The following PRR5L variants were observed in gnomAD, a reference collection of about 807,000 sequenced individuals.
The protein encoded by PRR5L is proline rich 5 like.
A neutral mutation model predicts 36.4 loss-of-function variants in PRR5L; 21 were observed. The observed-to-expected ratio is 0.58, with a 90% confidence interval of 0.41 to 0.83. PRR5L has a LOEUF of 0.83. PRR5L is among the 40% of genes least tolerant of loss of function. The pLI, the probability that PRR5L is intolerant of heterozygous loss-of-function variation, is 0.00. For missense variants in PRR5L, 381 were observed against 473.3 expected, an observed-to-expected ratio of 0.80 and a Z score of 1.81; for synonymous variants, 188 against 197.0, an observed-to-expected ratio of 0.95 and a Z score of 0.38.
At chr11:36,348,083 T>A (rs1212599157) in intron 1 of PRR5L, among the ~76,000 whole-genome samples, 1 of 152,134 alleles carries the variant, frequency 6.6e-6, no homozygotes, top group Non-Finnish European at 1.5e-5. Context: ...ATGTTAACAG[T>A]TTGTTGTTGG....
At chr11:36,449,999 T>A (rs964931191) in intron 7 of PRR5L, among the ~76,000 whole-genome samples, 4 of 152,154 alleles carry the variant, frequency 2.6e-5, no homozygotes, top group Non-Finnish European at 5.9e-5. Context: ...TGTTTCTACC[T>A]CCAAATCTGC....
Position 36,388,694 on chromosome 11 carries a change from C to CTTTTTTTTTTTTTTTTT in PRR5L, c.-125-12300_-125-12299insTTTTTTTTTTTTTTTTT, listed in dbSNP as rs1252535250. 1.8e-5 allele frequency among the ~76,000 whole-genome samples: 2 copies of CTTTTTTTTTTTTTTTTT among 112,790 alleles called. 1 individual carries two copies. The highest frequency in any genetic ancestry group is 3.4e-5 in the Non-Finnish European group (2 of 58,124). 74.0% of individuals were successfully genotyped at this position (112,790 alleles called of 152,430 possible). A position where few individuals can be genotyped will look rare whatever the true frequency, so the allele number is the denominator to read the frequency against. On this transcript the variant is annotated intron_variant, in intron 1 of 8. Coordinates refer to ENST00000530639, the MANE Select transcript of PRR5L (RefSeq NM_001160167.2). ...TTCTTTCATTCAAGGTCGGCTCTTTCTTTCTTTTTTTTTTTTTTTTTTGAG... is the reference window on the plus strand; with the variant it reads ...TTCTTTCATTCAAGGTCGGCTCTTTCTTTTTTTTTTTTTTTTTTTTCTTTTTTTTTTTTTTTTTTGAG...
intron 3 of PRR5L, among the ~76,000 whole-genome samples, chr11:36,404,094 G>T (rs547686379): frequency 6.6e-6 from 1 of 152,158 alleles, no homozygotes; most frequent in Non-Finnish European, 1.5e-5. Context: ...CGCATGCAAA[G>T]TTCCTCTGGT....
chr11:36,401,277 C>T lies in PRR5L; in HGVS notation c.156C>T (p.Ala52=). 1 of 1,611,204 alleles carries T rather than the reference C, an allele frequency of 6.2e-7. No individual in the cohort carries two copies. The highest frequency in any genetic ancestry group is 8.5e-7 in the Non-Finnish European group (1 of 1,179,930). Residue 52 remains alanine (A), a synonymous_variant, in exon 2 of 9, where the codon GCC becomes GCT. Coordinates refer to ENST00000530639, the MANE Select transcript of PRR5L (RefSeq NM_001160167.2). The part of the protein sequence containing the change: ...RQALQLSSSS[A]WNSVQTAVIN... ...CTCTGCAGCTGAGCTCCAGCTCAGC[C>T]TGGAACAGGTGAAGGAGGCTGCAGG...
At chr11:36,368,126 C>A (rs1304368019) in intron 1 of PRR5L, among the ~76,000 whole-genome samples, 1 of 151,898 alleles carries the variant, frequency 6.6e-6, no homozygotes, top group African/African-American at 2.4e-5. Flanking sequence ...GGTCAAGGAT[C>A]TGAGCTTCTG....
intron 1 of PRR5L, among the ~76,000 whole-genome samples, chr11:36,305,772 C>T (rs552539271): frequency 7.2e-5 from 11 of 152,254 alleles, no homozygotes; most frequent in East Asian, 1.9e-4. Context: ...CTGAATCTGC[C>T]GGTGCTTTGA....
At chr11:36,351,279 T>A in intron 1 of PRR5L, among the ~76,000 whole-genome samples, 1 of 24,262 alleles carries the variant, frequency 4.1e-5, no homozygotes, top group Non-Finnish European at 6.5e-5. Flanking sequence ...TATTTATATA[T>A]ATGTATATTT....
At chr11:36,310,726 T>C (rs183454376) in intron 1 of PRR5L, among the ~76,000 whole-genome samples, 270 of 152,156 alleles carry the variant, frequency 1.8e-3, no homozygotes, top group African/African-American at 6.0e-3. Context: ...GGGCTGGGTG[T>C]GGTGGCTCAC....
intron 1 of PRR5L, among the ~76,000 whole-genome samples, chr11:36,359,587 C>T (rs1183870417): frequency 1.3e-5 from 2 of 152,194 alleles, no homozygotes; most frequent in Admixed American, 1.3e-4. Flanking sequence ...GTAACACTTT[C>T]ATTAAAACGT....
In PRR5L at chr11:36,431,866, C is replaced by T. The variant is rs375274325; in HGVS notation, c.308C>T (p.Ala103Val). Residue 103 changes from alanine to valine, a missense_variant, in exon 5 of 9, where the codon GCA becomes GTA. Ala to Val is a moderately conservative substitution (Grantham distance 64, BLOSUM62 0). Transcript: ENST00000530639. ...CTCTTTTGGCAGAACCAGCTTCTTG[C>T]AAAAGGACTGTTCTTTGTGGAGGAG... ...ITDYFQNQLL[A>V]KGLFFVEEKI... The T allele has an allele frequency of 6.2e-7, 1 of 1,614,124 alleles. No homozygotes were observed. Among genetic ancestry groups the T allele is most frequent in the Non-Finnish European group, 8.5e-7 (1 of 1,179,980 alleles).
intron 1 of PRR5L, among the ~76,000 whole-genome samples, chr11:36,330,372 T>A (rs1045982100): frequency 6.6e-6 from 1 of 152,212 alleles, no homozygotes; most frequent in African/African-American, 2.4e-5. Context: ...TTCATTTTTG[T>A]TTTGCTTGAT....
intron 1 of PRR5L, among the ~76,000 whole-genome samples, chr11:36,319,410 C>T (rs907853619): frequency 7.2e-5 from 11 of 152,230 alleles, no homozygotes; most frequent in Middle Eastern, 3.2e-3. Flanking sequence ...CTTGATCTAG[C>T]GGCACCTGAC....
intron 7 of PRR5L, among the ~76,000 whole-genome samples, chr11:36,447,475 C>A (rs1333705405): frequency 1.3e-5 from 2 of 152,204 alleles, no homozygotes; most frequent in East Asian, 3.9e-4. Context: ...GCACACAATT[C>A]TCGACGAGTA....
intron 1 of PRR5L, among the ~76,000 whole-genome samples, chr11:36,351,203 AATATAAAT>A (rs1210411465): frequency 0.01 from 895 of 87,380 alleles, 18 homozygotes; most frequent in East Asian, 0.053. Flanking sequence ...ATATATTAAT[AATATAAAT>A]ATATAAATAT....
chr11:36,296,876 T>A (rs562968833), intron 1 of PRR5L, among the ~76,000 whole-genome samples: 1 of 152,344 alleles, frequency 6.6e-6, no homozygotes, highest in Admixed American at 6.5e-5. Flanking sequence ...GGAGTCGGGT[T>A]CTAGAATCTG....
intron 1 of PRR5L, among the ~76,000 whole-genome samples, chr11:36,325,309 A>G (rs7109880): frequency 0.61 from 92,768 of 152,222 alleles, 29,607 homozygotes; most frequent in East Asian, 0.87. Context: ...GGAGCACAGC[A>G]GACACCCTGC....
chr11:36,309,481 C>A (rs906118589), intron 1 of PRR5L, among the ~76,000 whole-genome samples: 3 of 152,204 alleles, frequency 2.0e-5, no homozygotes, highest in African/African-American at 7.2e-5. Flanking sequence ...AATTATCAGG[C>A]ATATCTATGG....
intron 1 of PRR5L, among the ~76,000 whole-genome samples, chr11:36,355,548 CTT>C (rs1041820581): frequency 1.0e-4 from 13 of 127,022 alleles, no homozygotes; most frequent in Admixed American, 8.0e-5. Context: ...CTTTGCTTTG[CTT>C]TTTTTTTTTT....
At position 36,458,496 on chromosome 11, in the gene PRR5L, T is replaced by C. The variant is rs190229219; in HGVS notation, c.713-3846T>C. 6.6e-5 allele frequency among the ~76,000 whole-genome samples: 10 copies of C among 152,378 alleles called. No homozygotes were observed. The East Asian group carries it at 1.9e-3, about 29-fold the overall frequency. On this transcript the variant is annotated intron_variant, in intron 8 of 8. Transcript: ENST00000530639. ...AAAAATTGTTATTGTCACCACCAAA[T>C]AGGCCCCTTGGGCTTCTGAGCCAGT...
Sources: gnomAD v4.1 joint callset for allele counts (sites outside exome capture counted in the v4.1 genomes callset) on GRCh38, gnomAD v4.1.1 for gene constraint, MANE v1.5 for transcripts, NCBI Gene and HGNC (gene_info 2026-07-23, HGNC 2026-07-21) for gene names.